The following MLLT10 variants were observed in gnomAD, a reference collection of about 807,000 sequenced individuals.
MLLT10 encodes protein AF-10.
In MLLT10, 30 loss-of-function variants were observed where a neutral mutation model predicts 129.1. The ratio of observed to expected loss-of-function variants is 0.23; its 90% CI spans 0.17 to 0.32. The LOEUF (loss-of-function observed/expected upper bound fraction) is 0.32. Ranked by LOEUF, MLLT10 falls within the 10% of genes least tolerant of loss-of-function variation. The pLI is 1.00. For missense variants in MLLT10, 1,119 were observed against 1,268.3 expected (o/e 0.88, Z 1.79); for synonymous variants, 490 against 446.4 (o/e 1.10, Z -1.23).
At chr10:21,557,344 G>T (rs1347827443) in intron 3 of MLLT10, among the ~76,000 whole-genome samples, 1 of 152,088 alleles carries the variant, frequency 6.6e-6, no homozygotes, top group Non-Finnish European at 1.5e-5. Context: ...AAAGATCCAC[G>T]TACAAGAAGT....
intron 5 of MLLT10, among the ~76,000 whole-genome samples, chr10:21,600,472 A>G (rs2043418796): frequency 6.6e-6 from 1 of 152,126 alleles, no homozygotes; most frequent in African/African-American, 2.4e-5. Flanking sequence ...TATGTTCATG[A>G]AACATATTAC....
intron 11 of MLLT10, among the ~76,000 whole-genome samples, chr10:21,680,803 C>A (rs2052656669): frequency 6.6e-6 from 1 of 151,972 alleles, no homozygotes; most frequent in African/African-American, 2.4e-5. Context: ...GAAACCCTGT[C>A]TCTACTAAAG....
At chr10:21,695,636 T>C (rs1402425997) in intron 13 of MLLT10, among the ~76,000 whole-genome samples, 5 of 152,208 alleles carry the variant, frequency 3.3e-5, no homozygotes, top group African/African-American at 1.2e-4. Context: ...AGTCTAAATG[T>C]TTGTATCTGT....
intron 13 of MLLT10, among the ~76,000 whole-genome samples, chr10:21,704,023 T>TTTG (rs1554856150): frequency 1.1e-4 from 14 of 133,264 alleles, no homozygotes; most frequent in South Asian, 2.7e-4. Flanking sequence ...TTTGTTTTTT[T>TTTG]TTTTTTTTTT....
chr10:21,693,048 G>GA lies in MLLT10; in HGVS notation c.1699+10792dup, dbSNP rs540462919. ...TCACTGTGTAGTATGTATGTTTCAT[G>GA]ATGCTTCTCGTTTAGGCTTATGATT... On this transcript the variant is annotated intron_variant, in intron 13 of 22. Coordinates refer to ENST00000307729, the MANE Select transcript of MLLT10 (RefSeq NM_001195626.3). 5.3e-5 allele frequency among the ~76,000 whole-genome samples: 8 copies of GA among 151,866 alleles called. No homozygotes were observed. The South Asian group carries it at 1.7e-3, about 32-fold the overall frequency.
At position 21,742,667 on chromosome 10, in the gene MLLT10, C is replaced by CTTGAG. The variant is rs988731989; in HGVS notation, c.*687_*691dup. 8.9e-6 allele frequency: 2 copies of CTTGAG among 223,576 alleles called. No individual in the cohort carries two copies. Among genetic ancestry groups the CTTGAG allele is most frequent in the Admixed American group, 1.1e-4 (2 of 17,442 alleles). 13.8% of individuals were successfully genotyped at this position (223,576 alleles called of 1,614,324 possible). A position where few individuals can be genotyped will look rare whatever the true frequency, so the allele number is the denominator to read the frequency against. Reference sequence around the variant, plus strand: ...AGACCTACTCATATTTTGAAGAAATCTTGAGTTAAGTGAGTTCTGAGGCTG... The same window carrying CTTGAG: ...AGACCTACTCATATTTTGAAGAAATCTTGAGTTGAGTTAAGTGAGTTCTGAGGCTG... On this transcript the variant is annotated 3_prime_UTR_variant, in exon 23 of 23. Transcript: ENST00000307729.
At chr10:21,550,891 T>TAATTAAAAATTATGTGAAAAC (rs11275375) in intron 3 of MLLT10, among the ~76,000 whole-genome samples, 54,762 of 150,458 alleles carry the variant, frequency 0.36, 10,879 homozygotes, top group Middle Eastern at 0.52. Context: ...TTTATTCACA[T>TAATTAAAAATTATGTGAAAAC]AATTAAAAAT....
chr10:21,692,001 C>CAAA lies in MLLT10; in HGVS notation c.1699+9765_1699+9767dup, dbSNP rs929971187. Among the ~76,000 whole-genome samples the CAAA allele has an allele frequency of 4.0e-3, 191 of 48,294 alleles. 1 individual carries two copies. Among genetic ancestry groups the CAAA allele is most frequent in the Non-Finnish European group, 4.8e-3 (128 of 26,908 alleles). The allele number at this position is 48,294 out of a possible 152,430, so 31.7% of individuals were successfully genotyped here. A position where few individuals can be genotyped will look rare whatever the true frequency, so the allele number is the denominator to read the frequency against. On this transcript the variant is annotated intron_variant, in intron 13 of 22. Transcript: ENST00000307729. Reference sequence around the variant, plus strand: ...CCATCATGGTGAAACCTCATATCTACAAAAAAAAAAAAAAAAAAAAAAAGA... The same window carrying CAAA: ...CCATCATGGTGAAACCTCATATCTACAAAAAAAAAAAAAAAAAAAAAAAAAAGA...
intron 13 of MLLT10, among the ~76,000 whole-genome samples, chr10:21,684,914 G>T (rs1564643528): frequency 1.3e-5 from 2 of 152,086 alleles, no homozygotes; most frequent in African/African-American, 2.4e-5. Flanking sequence ...GTTTGTATCT[G>T]TTGGTGTGGA....
intron 5 of MLLT10, among the ~76,000 whole-genome samples, chr10:21,603,074 A>T (rs2131159838): frequency 6.7e-6 from 1 of 149,466 alleles, no homozygotes; most frequent in Non-Finnish European, 1.5e-5. Context: ...TTTTTTTTTG[A>T]GATGGAATCT....
intron 5 of MLLT10, among the ~76,000 whole-genome samples, chr10:21,600,871 G>A (rs954743510): frequency 2.0e-5 from 3 of 151,760 alleles, no homozygotes; most frequent in African/African-American, 7.3e-5. Flanking sequence ...CTTACACTTG[G>A]TATTCTCTTT....
chr10:21,704,966 T>C (rs1223263152), intron 13 of MLLT10, among the ~76,000 whole-genome samples: 1 of 152,168 alleles, frequency 6.6e-6, no homozygotes, highest in African/African-American at 2.4e-5. Context: ...ATGCCTCACC[T>C]TGGGCCCAGG....
chr10:21,625,883 T>C, intron 8 of MLLT10: 1 of 781,064 alleles, frequency 1.3e-6, no homozygotes, highest in Non-Finnish European at 2.4e-6. Flanking sequence ...GGGACTGGCC[T>C]TCTCAAAAAG....
At chr10:21,592,776 T>G (rs1589130305) in intron 4 of MLLT10, among the ~76,000 whole-genome samples, 1 of 152,106 alleles carries the variant, frequency 6.6e-6, no homozygotes, top group Non-Finnish European at 1.5e-5. Context: ...TTTTCTGTAG[T>G]TTTATTGTCT....
intron 22 of MLLT10, among the ~76,000 whole-genome samples, chr10:21,740,555 A>C (rs1366074221): frequency 6.6e-6 from 1 of 152,238 alleles, no homozygotes; most frequent in Non-Finnish European, 1.5e-5. Context: ...TTATAGAACC[A>C]GTCTATATAT....
chr10:21,598,089 G>C (rs1385477040), intron 5 of MLLT10, among the ~76,000 whole-genome samples: 3 of 152,196 alleles, frequency 2.0e-5, no homozygotes, highest in African/African-American at 7.2e-5. Flanking sequence ...GACTAGGATT[G>C]ATGGCAAGTA....
intron 9 of MLLT10, among the ~76,000 whole-genome samples, chr10:21,653,089 A>T (rs971978022): frequency 2.0e-5 from 3 of 152,184 alleles, no homozygotes; most frequent in Admixed American, 6.5e-5. Context: ...TTTCTATTGC[A>T]GTTGAAATTA....
intron 9 of MLLT10, among the ~76,000 whole-genome samples, chr10:21,667,368 T>G (rs546938767): frequency 3.9e-4 from 55 of 142,560 alleles, no homozygotes; most frequent in Admixed American, 1.4e-3. Context: ...ACTGTGGGGG[T>G]TTTTTTTTTT....
rs145964133 is a variant in MLLT10 at position 21,583,131 on chromosome 10, C to T, written c.241-3163C>T. ...GTTGCAGTGAGCCGAGATTGAGCCA[C>T]TGCACTCCAGCCTGGGCAACAGAGT... On this transcript the variant is annotated intron_variant, in intron 3 of 22. Transcript: ENST00000307729. 3.3e-3 allele frequency among the ~76,000 whole-genome samples: 503 copies of T among 152,272 alleles called. 1 individual carries two copies. The highest frequency in any genetic ancestry group is 5.0e-3 in the Non-Finnish European group (343 of 68,014).
Sources: allele counts gnomAD v4.1 joint callset (sites outside exome capture counted in the v4.1 genomes callset), GRCh38; gene constraint gnomAD v4.1.1; transcripts MANE v1.5; gene names NCBI Gene and HGNC (gene_info 2026-07-23, HGNC 2026-07-21).